The following TNC variants were observed in gnomAD, a reference collection of about 807,000 sequenced individuals.
The protein encoded by TNC is tenascin.
Under a neutral mutation model 202.4 loss-of-function variants are expected in TNC, and 109 were observed. The ratio of observed to expected loss-of-function variants is 0.54; its 90% CI spans 0.46 to 0.63. TNC has a LOEUF of 0.63. Ranked by LOEUF, TNC falls within the 30% of genes least tolerant of loss-of-function variation. The pLI is 0.00. For missense variants in TNC, 2,756 were observed against 2,833.3 expected (o/e 0.97, Z 0.62); for synonymous variants, 1,007 against 1,089.7 (o/e 0.92, Z 1.50).
intron 1 of TNC, among the ~76,000 whole-genome samples, chr9:115,109,706 G>T (rs374163801): frequency 6.6e-6 from 1 of 152,190 alleles, no homozygotes; most frequent in East Asian, 1.9e-4. Flanking sequence ...TATCCTGAAG[G>T]CCACCTCTGA....
chr9:115,053,460 A>G (rs1654457829), intron 15 of TNC, among the ~76,000 whole-genome samples: 1 of 152,242 alleles, frequency 6.6e-6, no homozygotes, highest in African/African-American at 2.4e-5. Context: ...ATGTCTTACC[A>G]TAGAGATTCA....
intron 14 of TNC, among the ~76,000 whole-genome samples, chr9:115,058,376 C>A (rs1832289636): frequency 6.6e-6 from 1 of 152,192 alleles, no homozygotes; most frequent in African/African-American, 2.4e-5. Context: ...TAGGCCAATT[C>A]ATCAGTGGCA....
chr9:115,078,167 G>C lies in TNC; in HGVS notation c.2450C>G (p.Thr817Ser). Residue 817 changes from threonine to serine, a missense_variant, in exon 7 of 28, where the codon ACC becomes AGC. This residue lies in a region of TNC where 2,559 missense variants were observed against 2,546.0 expected (regional missense o/e 1.01). Transcript: ENST00000350763. ...SQIEVKDVTD[T>S]TALITWFKPL... Reference sequence around the variant, plus strand: ...CTTGAACCAGGTGATCAAGGCAGTGGTGTCTGTGACATCTTTCACCTCGAT... The same window carrying C: ...CTTGAACCAGGTGATCAAGGCAGTGCTGTCTGTGACATCTTTCACCTCGAT... 1 of 1,612,608 alleles carries C rather than the reference G, an allele frequency of 6.2e-7. No homozygotes were observed. The highest frequency in any genetic ancestry group is 8.5e-7 in the Non-Finnish European group (1 of 1,178,720).
intron 1 of TNC, among the ~76,000 whole-genome samples, chr9:115,105,588 T>C (rs1024671013): frequency 2.0e-5 from 3 of 152,162 alleles, no homozygotes; most frequent in African/African-American, 7.2e-5. Flanking sequence ...GAGAAACTAC[T>C]GGTAATGAAA....
chr9:115,042,245 C>T lies in TNC; in HGVS notation c.5222G>A (p.Arg1741Gln), dbSNP rs149299073. The T allele has an allele frequency of 6.9e-5, 112 of 1,613,964 alleles. No individual in the cohort carries two copies. The highest frequency in any genetic ancestry group is 1.8e-4 in the East Asian group (8 of 44,892). The change falls in exon 18 of 28, where the codon CGG becomes CAG. Residue 1741 changes from arginine to glutamine, a missense_variant. Arg to Gln is a conservative substitution (Grantham distance 43, BLOSUM62 1). Around this residue, in one of 2 missense-constraint regions of TNC, gnomAD observed 2,559 missense variants for 2,546.0 expected, o/e 1.01. Transcript: ENST00000350763. ...TCCTGTAATGGGCACATAGGTAATCCGGAAGCTCTCCACTTGGGCTGTGGG... is the reference window on the plus strand; with the variant it reads ...TCCTGTAATGGGCACATAGGTAATCTGGAAGCTCTCCACTTGGGCTGTGGG... ...RAPTAQVESF[R>Q]ITYVPITGGT...
intron 1 of TNC, among the ~76,000 whole-genome samples, chr9:115,107,239 C>T (rs1426026882): frequency 6.6e-6 from 1 of 152,078 alleles, no homozygotes; most frequent in Non-Finnish European, 1.5e-5. Context: ...TAAAGCTTTG[C>T]AGTTAGATGA....
chr9:115,069,495 TGGG>T (rs1833196483), intron 10 of TNC, among the ~76,000 whole-genome samples: 1 of 150,616 alleles, frequency 6.6e-6, no homozygotes, highest in African/African-American at 2.4e-5. Context: ...AGGGAGGGAA[TGGG>T]AGAGGAGGAG....
intron 1 of TNC, among the ~76,000 whole-genome samples, chr9:115,104,402 A>G (rs933758291): frequency 2.6e-5 from 4 of 152,222 alleles, no homozygotes; most frequent in Non-Finnish European, 4.4e-5. Flanking sequence ...TGAAACTGTT[A>G]TCAGCCACCC....
chr9:115,081,841 A>G lies in TNC; in HGVS notation c.2335T>C (p.Tyr779His). 1 of 1,608,024 alleles carries G rather than the reference A, an allele frequency of 6.2e-7. No individual in the cohort carries two copies. The highest frequency in any genetic ancestry group is 2.2e-5 in the East Asian group (1 of 44,782). The change falls in exon 6 of 28, where the codon TAT becomes CAT. Residue 779 changes from tyrosine (Y) to histidine (H), a missense_variant. Physicochemically the swap from Tyr to His is moderately conservative, Grantham distance 83. Transcript: ENST00000350763. Reference protein sequence around the residue: ...RQTGLAPGQEYEISLHIVKNN... With the variant: ...RQTGLAPGQEHEISLHIVKNN... Reference sequence around the variant, plus strand: ...TTCACTATGTGCAGAGATATCTCATACTCTTGCCCAGGAGCTAGACCAGTT... The same window carrying G: ...TTCACTATGTGCAGAGATATCTCATGCTCTTGCCCAGGAGCTAGACCAGTT...
At position 115,024,086 on chromosome 9, in the gene TNC, C is replaced by G. The variant is rs1249369567; in HGVS notation, c.6382G>C (p.Asp2128His). ...CAGTTGGTGATGGCTGAATCTGTGT[C>G]CTTGTCAAAGGTGGAGAAGGATCTG... ...NGRSFSTFDK[D>H]TDSAITNCAL... is the part of the protein sequence containing the mutation. The change falls in exon 27 of 28, where the codon GAC becomes CAC. Residue 2128 changes from aspartate (D) to histidine (H), a missense_variant. Asp to His is a moderately conservative substitution (Grantham distance 81). This residue lies in a region of TNC where 197 missense variants were observed against 287.3 expected (regional missense o/e 0.69). Transcript: ENST00000350763. 6.2e-7 allele frequency: 1 copy of G among 1,614,090 alleles called. No homozygotes were observed. Among genetic ancestry groups the G allele is most frequent in the Non-Finnish European group, 8.5e-7 (1 of 1,179,966 alleles).
rs200406389 is a variant in TNC at position 115,038,214 on chromosome 9, A to G, written c.5512+47T>C. On this transcript the variant is annotated intron_variant, in intron 20 of 27. Transcript: ENST00000350763. ...AGAGCGAATGGGAAGAGTTTACAGC[A>G]GGAAAGACACTCCTTAGAGTGAGGA... is the stretch of plus-strand genomic sequence containing the variant. The G allele has an allele frequency of 4.8e-5, 77 of 1,591,230 alleles. No homozygotes were observed. The South Asian group carries it at 8.2e-4, about 17-fold the overall frequency.
At chr9:115,033,172 C>T (rs140740540) in intron 22 of TNC, among the ~76,000 whole-genome samples, 19 of 152,278 alleles carry the variant, frequency 1.2e-4, no homozygotes, top group African/African-American at 3.4e-4. Context: ...ATCTTGCATG[C>T]GGGTTTCCCA....
At chr9:115,080,418 G>A (rs1034426938) in intron 6 of TNC, among the ~76,000 whole-genome samples, 5 of 152,186 alleles carry the variant, frequency 3.3e-5, no homozygotes, top group African/African-American at 1.2e-4. Flanking sequence ...AAAATCCTTT[G>A]AATTGGCTCT....
At chr9:115,060,546 C>T (rs1353392073) in intron 13 of TNC, among the ~76,000 whole-genome samples, 1 of 152,228 alleles carries the variant, frequency 6.6e-6, no homozygotes, top group African/African-American at 2.4e-5. Flanking sequence ...ATACCTGATA[C>T]ATGGCGAGTG....
rs550258224 is a variant in TNC, at chr9:115,055,515, C to T, written c.4579+1638G>A. On this transcript the variant is annotated intron_variant, in intron 15 of 27. Transcript: ENST00000350763. ...ACCATCAGGGTCTGAGCACGCTGCC[C>T]GCCAATCAGCCCATGAAGGTGGGCA... 8 of 107,448 alleles carry T rather than the reference C, an allele frequency of 7.4e-5. No homozygotes were observed. In the South Asian group the frequency reaches 1.3e-3, roughly 17 times the overall value. The allele number at this position is 107,448 out of a possible 1,614,324, so 6.7% of individuals were successfully genotyped here.
chr9:115,069,650 C>T (rs867021483), intron 10 of TNC, among the ~76,000 whole-genome samples: 5 of 11,190 alleles, frequency 4.5e-4, no homozygotes, highest in African/African-American at 9.5e-4. Flanking sequence ...CTTCCTCCCT[C>T]CCTCCCTCCC....
intron 21 of TNC, chr9:115,035,726 G>T (rs1830273779): frequency 3.7e-6 from 1 of 271,818 alleles, no homozygotes; most frequent in East Asian, 7.2e-5. Flanking sequence ...TCAATGTATA[G>T]AAACCTAACA....
chr9:115,030,871 G>T (rs1007186995), intron 23 of TNC, among the ~76,000 whole-genome samples: 1 of 152,194 alleles, frequency 6.6e-6, no homozygotes. Context: ...GGAACAACTT[G>T]CAGGTTTGCT....
intron 17 of TNC, among the ~76,000 whole-genome samples, chr9:115,044,893 G>A (rs57080282): frequency 6.6e-6 from 1 of 152,280 alleles, no homozygotes; most frequent in African/African-American, 2.4e-5. Context: ...ATTAGGTCCT[G>A]AAAACTTAAC....
Sources: allele counts gnomAD v4.1 joint callset (sites outside exome capture counted in the v4.1 genomes callset), GRCh38; gene constraint gnomAD v4.1.1; regional missense constraint gnomAD v4.1.1; transcripts MANE v1.5; gene names NCBI Gene and HGNC (gene_info 2026-07-23, HGNC 2026-07-21).